Variants in EXT2 observed in about 807,000 individuals in gnomAD.
EXT2 encodes the protein exostosin-2.
A neutral mutation model predicts 81.6 loss-of-function variants in EXT2; 53 were observed. The ratio of observed to expected loss-of-function variants is 0.65; its 90% CI spans 0.52 to 0.82. EXT2 has a LOEUF of 0.82. Ranked by LOEUF, EXT2 falls within the 40% of genes least tolerant of loss-of-function variation. The pLI is 0.00. For missense variants in EXT2, 774 were observed against 910.2 expected (o/e 0.85, Z 1.93); for synonymous variants, 320 against 340.0 (o/e 0.94, Z 0.65).
intron 4 of EXT2, among the ~76,000 whole-genome samples, chr11:44,117,842 G>A (rs910397133): frequency 2.6e-4 from 40 of 152,196 alleles, no homozygotes; most frequent in African/African-American, 9.6e-4. Flanking sequence ...ACTCACTGCA[G>A]CCTTGAACCC....
chr11:44,209,671 T>C (rs1352787805), intron 10 of EXT2, among the ~76,000 whole-genome samples: 1 of 152,234 alleles, frequency 6.6e-6, no homozygotes, highest in Admixed American at 6.5e-5. Flanking sequence ...TGTGGTGTTA[T>C]CACAGTCCCT....
chr11:44,180,207 A>G (rs1052689511), intron 8 of EXT2, among the ~76,000 whole-genome samples: 20 of 152,116 alleles, frequency 1.3e-4, no homozygotes, highest in African/African-American at 4.8e-4. Context: ...TAAATTTCTT[A>G]CTCAGAAACC....
In EXT2 at chr11:44,251,627, A is replaced by G. The variant is rs895528549; in HGVS notation, c.*7340A>G. On this transcript the variant is annotated 3_prime_UTR_variant, in exon 14 of 14. Coordinates refer to ENST00000533608, the MANE Select transcript of EXT2 (RefSeq NM_207122.2). ...TGCTCACAATCTGAACCTGAAGGCT[A>G]TTACTGAAGAGAATTGCATCTGACA... Among the ~76,000 whole-genome samples, 18 of 152,228 alleles carry G rather than the reference A, an allele frequency of 1.2e-4. No individual in the cohort carries two copies. The highest frequency in any genetic ancestry group is 4.1e-4 in the African/African-American group (17 of 41,460).
intron 9 of EXT2, among the ~76,000 whole-genome samples, chr11:44,201,088 G>A (rs1955516587): frequency 2.0e-5 from 3 of 152,172 alleles, no homozygotes; most frequent in African/African-American, 4.8e-5. Context: ...TGTATGAATG[G>A]AAGGTGACAT....
At chr11:44,238,317 G>A (rs1372124544) in intron 13 of EXT2, among the ~76,000 whole-genome samples, 1 of 152,062 alleles carries the variant, frequency 6.6e-6, no homozygotes, top group Non-Finnish European at 1.5e-5. Context: ...TGAGTAGCTG[G>A]GACTACAGGT....
chr11:44,139,509 A>G (rs1170814609), intron 7 of EXT2, among the ~76,000 whole-genome samples: 1 of 152,118 alleles, frequency 6.6e-6, no homozygotes, highest in Admixed American at 6.6e-5. Context: ...CATCCTGCAG[A>G]AAGGAGAATG....
rs145279140 is a variant in EXT2 at position 44,206,812 on chromosome 11, C to G, written c.1515C>G (p.Ile505Met). The change falls in exon 10 of 14, where the codon ATC (isoleucine) becomes ATG (methionine). Residue 505 changes from isoleucine to methionine, a missense_variant. Physicochemically the swap from Ile to Met is conservative, Grantham distance 10. Coordinates refer to ENST00000533608, the MANE Select transcript of EXT2 (RefSeq NM_207122.2). ...NPPEDSLWPK[I>M]RVPLKVVRTA... Reference sequence around the variant, plus strand: ...TTCCAGATTCTCTCTGGCCCAAAATCCGGGTTCCATTAAAAGTTGTGAGGA... The same window carrying G: ...TTCCAGATTCTCTCTGGCCCAAAATGCGGGTTCCATTAAAAGTTGTGAGGA... The G allele has an allele frequency of 1.9e-6, 3 of 1,613,866 alleles. No individual in the cohort carries two copies. Among genetic ancestry groups the G allele is most frequent in the Non-Finnish European group, 2.5e-6 (3 of 1,179,976 alleles).
chr11:44,119,169 TAC>T (rs1555004305), intron 4 of EXT2, among the ~76,000 whole-genome samples: 3 of 63,158 alleles, frequency 4.7e-5, no homozygotes, highest in Admixed American at 1.6e-4. Flanking sequence ...TATATATATA[TAC>T]ACATACACAC....
At chr11:44,149,689 GTGGAACT>G (rs1441809642) in intron 7 of EXT2, among the ~76,000 whole-genome samples, 6 of 152,042 alleles carry the variant, frequency 3.9e-5, no homozygotes, top group Admixed American at 2.6e-4. Flanking sequence ...ATTTTCTCTG[GTGGAACT>G]TAACTGCATG....
At chr11:44,182,358 A>G (rs1173404348) in intron 8 of EXT2, among the ~76,000 whole-genome samples, 4 of 152,108 alleles carry the variant, frequency 2.6e-5, no homozygotes, top group Non-Finnish European at 4.4e-5. Flanking sequence ...CCCTTCTTCC[A>G]GGATACCAAG....
intron 1 of EXT2, among the ~76,000 whole-genome samples, chr11:44,102,866 G>A (rs1954005927): frequency 6.6e-6 from 1 of 151,596 alleles, no homozygotes; most frequent in Non-Finnish European, 1.5e-5. Context: ...GTTTAAGTGT[G>A]TTTTCTGTTT....
At chr11:44,232,632 C>A in intron 11 of EXT2, 136 bp downstream of exon 11, 2 of 1,139,542 alleles carry the variant, frequency 1.8e-6, no homozygotes, top group Non-Finnish European at 1.2e-6. Context: ...ACAAATAAAG[C>A]TATCCTTTTT....
At chr11:44,159,764 A>G (rs1050398767) in intron 7 of EXT2, among the ~76,000 whole-genome samples, 1 of 152,110 alleles carries the variant, frequency 6.6e-6, no homozygotes, top group African/African-American at 2.4e-5. Flanking sequence ...GTATGGTGGT[A>G]TTGTGTGGGG....
In EXT2 at chr11:44,171,575, G is replaced by A. The variant is rs550364276; in HGVS notation, c.1174-36G>A. ...GTATCTAGTTTTCCCACTCTGTCTC[G>A]CTTGCTCACTTAAAACAGCATTATT... On this transcript the variant is annotated intron_variant, in intron 7 of 13. Transcript: ENST00000533608. 4 of 1,613,866 alleles carry A rather than the reference G, an allele frequency of 2.5e-6. 1 individual carries two copies. Among genetic ancestry groups the A allele is most frequent in the South Asian group, 2.2e-5 (2 of 91,072 alleles).
chr11:44,237,067 CT>C (rs1052537362), intron 13 of EXT2, among the ~76,000 whole-genome samples: 2 of 152,174 alleles, frequency 1.3e-5, no homozygotes, highest in Non-Finnish European at 2.9e-5. Context: ...AAGCCTAGTA[CT>C]TTCAGAAGAC....
At chr11:44,207,877 G>T (rs758899253) in intron 10 of EXT2, among the ~76,000 whole-genome samples, 10 of 151,754 alleles carry the variant, frequency 6.6e-5, no homozygotes, top group Admixed American at 4.6e-4. Context: ...CGACACTATC[G>T]CCACCACTAA....
chr11:44,214,439 A>G (rs989047357), intron 10 of EXT2, among the ~76,000 whole-genome samples: 4 of 151,982 alleles, frequency 2.6e-5, no homozygotes, highest in African/African-American at 7.2e-5. Flanking sequence ...TATCCATTCC[A>G]TGTTCCCTTC....
chr11:44,214,919 A>AT (rs1276749287), intron 10 of EXT2, among the ~76,000 whole-genome samples: 1 of 145,290 alleles, frequency 6.9e-6, no homozygotes, highest in Admixed American at 6.9e-5. Flanking sequence ...GGCTAATTTT[A>AT]TTTTTTGGCG....
intron 4 of EXT2, among the ~76,000 whole-genome samples, chr11:44,118,768 G>A (rs994788291): frequency 6.6e-6 from 1 of 151,894 alleles, no homozygotes; most frequent in Non-Finnish European, 1.5e-5. Flanking sequence ...CATAAGCCCC[G>A]CTGGTACCCT....
Sources: gnomAD v4.1 joint callset for allele counts (sites outside exome capture counted in the v4.1 genomes callset) on GRCh38, gnomAD v4.1.1 for gene constraint, MANE v1.5 for transcripts, NCBI Gene and HGNC (gene_info 2026-07-23, HGNC 2026-07-21) for gene names.